The following CTNNA2 variants were observed in gnomAD, a reference collection of about 807,000 sequenced individuals.
CTNNA2 encodes catenin alpha-2.
Under a neutral mutation model 101.0 loss-of-function variants are expected in CTNNA2, and 42 were observed. The ratio of observed to expected loss-of-function variants is 0.42; its 90% CI spans 0.32 to 0.54. The LOEUF (loss-of-function observed/expected upper bound fraction) is 0.54, where lower values mean the gene tolerates loss of function less well. CTNNA2 is among the 20% of genes least tolerant of loss of function. The pLI is 0.14. For synonymous variants in CTNNA2, 450 were observed against 456.4 expected (o/e 0.99, Z 0.18); for missense variants, 871 against 1,223.1 (o/e 0.71, Z 4.29).
chr2:79,810,856 C>T (rs1354541125), intron 3 of CTNNA2, among the ~76,000 whole-genome samples: 1 of 151,872 alleles, frequency 6.6e-6, no homozygotes, highest in Non-Finnish European at 1.5e-5. Context: ...AGGACATGAA[C>T]TCATCATTTT....
At chr2:79,892,172 C>T (rs897142233) in intron 6 of CTNNA2, among the ~76,000 whole-genome samples, 5 of 152,094 alleles carry the variant, frequency 3.3e-5, no homozygotes, top group Admixed American at 1.3e-4. Context: ...TACATACAGA[C>T]ACTTCAGAGA....
intron 3 of CTNNA2, among the ~76,000 whole-genome samples, chr2:79,819,467 G>C (rs1196556930): frequency 2.0e-5 from 3 of 152,122 alleles, no homozygotes; most frequent in Admixed American, 6.6e-5. Flanking sequence ...ACAATACTTG[G>C]GGATGATAGG....
At chr2:79,950,783 T>C (rs913230141) in intron 7 of CTNNA2, among the ~76,000 whole-genome samples, 2 of 152,214 alleles carry the variant, frequency 1.3e-5, no homozygotes, top group African/African-American at 2.4e-5. Context: ...CTGGCACATA[T>C]AATGGCATTG....
At chr2:80,097,303 T>A (rs960948903) in intron 7 of CTNNA2, among the ~76,000 whole-genome samples, 1 of 152,176 alleles carries the variant, frequency 6.6e-6, no homozygotes, top group Non-Finnish European at 1.5e-5. Context: ...GGGTTGAAAA[T>A]TCTTTTCTTT....
At chr2:80,463,025 C>T (rs562410736) in intron 9 of CTNNA2, among the ~76,000 whole-genome samples, 1 of 152,288 alleles carries the variant, frequency 6.6e-6, no homozygotes, top group South Asian at 2.1e-4. Flanking sequence ...TTCCAACCCT[C>T]TCAGCCTTTC....
chr2:79,979,449 G>A (rs373311138), intron 7 of CTNNA2, among the ~76,000 whole-genome samples: 3 of 152,132 alleles, frequency 2.0e-5, no homozygotes, highest in South Asian at 2.1e-4. Context: ...ACATCATTTC[G>A]GTGTCCCAGC....
chr2:79,290,405 G>A (rs1675767702), intron 2 of CTNNA2, among the ~76,000 whole-genome samples: 1 of 152,116 alleles, frequency 6.6e-6, no homozygotes, highest in African/African-American at 2.4e-5. Flanking sequence ...CCTGCCTAGG[G>A]CTCCACCTCC....
chr2:79,455,643 A>G (rs957618163), intron 4 of CTNNA2, among the ~76,000 whole-genome samples: 1 of 152,226 alleles, frequency 6.6e-6, no homozygotes, highest in Non-Finnish European at 1.5e-5. Flanking sequence ...TTTGCATAGA[A>G]CTAGGTTCCT....
At chr2:80,567,018 C>A (rs1000930152) in intron 12 of CTNNA2, among the ~76,000 whole-genome samples, 1 of 152,084 alleles carries the variant, frequency 6.6e-6, no homozygotes, top group Non-Finnish European at 1.5e-5. Flanking sequence ...GAGATTCCAG[C>A]CATCCTCGTA....
At chr2:80,238,700 T>G (rs1055716182) in intron 7 of CTNNA2, among the ~76,000 whole-genome samples, 1 of 152,164 alleles carries the variant, frequency 6.6e-6, no homozygotes, top group African/African-American at 2.4e-5. Context: ...AAAGAGCACT[T>G]TGCTCTGAAA....
intron 7 of CTNNA2, among the ~76,000 whole-genome samples, chr2:80,278,692 C>T (rs936135013): frequency 3.9e-5 from 6 of 152,040 alleles, no homozygotes; most frequent in Non-Finnish European, 8.8e-5. Flanking sequence ...GAAAGAATGG[C>T]GTGGCTCATC....
intron 7 of CTNNA2, chr2:80,305,169 T>A: frequency 1.0e-6 from 1 of 985,380 alleles, no homozygotes; most frequent in Non-Finnish European, 1.2e-6. Context: ...GGGGCTTGGC[T>A]AAGATTTTTG....
At chr2:80,321,306 A>T (rs572703105) in intron 7 of CTNNA2, among the ~76,000 whole-genome samples, 1 of 152,200 alleles carries the variant, frequency 6.6e-6, no homozygotes, top group Non-Finnish European at 1.5e-5. Context: ...GAGATTTTCT[A>T]TCGTAGGGAG....
intron 1 of CTNNA2, among the ~76,000 whole-genome samples, chr2:79,579,340 TC>T (rs570509052): frequency 6.6e-5 from 10 of 151,380 alleles, no homozygotes; most frequent in Non-Finnish European, 1.5e-4. Context: ...GCTACCTGGA[TC>T]CCCCCTGTGG....
chr2:79,321,131 T>C (rs1676613409), intron 3 of CTNNA2, among the ~76,000 whole-genome samples: 1 of 152,166 alleles, frequency 6.6e-6, no homozygotes, highest in African/African-American at 2.4e-5. Flanking sequence ...AGGGTGTAGA[T>C]GTTTTACCTT....
intron 1 of CTNNA2, among the ~76,000 whole-genome samples, chr2:79,196,355 C>T (rs2104170572): frequency 6.6e-6 from 1 of 152,254 alleles, no homozygotes; most frequent in South Asian, 2.1e-4. Context: ...CTTCCTCACT[C>T]ACCCCAACCT....
intron 1 of CTNNA2, among the ~76,000 whole-genome samples, chr2:79,563,406 A>G (rs1312172235): frequency 6.6e-6 from 1 of 152,056 alleles, no homozygotes; most frequent in South Asian, 2.1e-4. Flanking sequence ...TTTATACATG[A>G]TAATCAGGAC....
upstream of CTNNA2, chr2:79,513,024 G>C (rs1449800373): frequency 6.6e-6 from 1 of 152,340 alleles, no homozygotes; most frequent in South Asian, 2.1e-4. Context: ...CCAGCCCCGA[G>C]TGAGGCGGAG....
chr2:80,544,515 C>G (rs1691866177), intron 9 of CTNNA2, among the ~76,000 whole-genome samples: 1 of 152,036 alleles, frequency 6.6e-6, no homozygotes, highest in Admixed American at 6.6e-5. Flanking sequence ...AATTTTCAGG[C>G]AGATCGGGTA....
Sources: allele counts gnomAD v4.1 joint callset (sites outside exome capture counted in the v4.1 genomes callset), GRCh38; gene constraint gnomAD v4.1.1; transcripts MANE v1.5; gene names NCBI Gene and HGNC (gene_info 2026-07-23, HGNC 2026-07-21).